The following BMPER variants were observed in gnomAD, a reference collection of about 807,000 sequenced individuals.
BMPER encodes the protein BMP binding endothelial regulator.
BMPER carries 45 observed loss-of-function variants against 87.3 expected under a neutral mutation model. The ratio of observed to expected loss-of-function variants is 0.52; its 90% CI spans 0.41 to 0.66. The LOEUF (loss-of-function observed/expected upper bound fraction) is 0.66. Among genes scored for constraint, BMPER ranks in the 30% least tolerant of loss-of-function variants. The pLI is 0.00. For synonymous variants in BMPER, 326 were observed against 316.2 expected, an observed-to-expected ratio of 1.03 and a Z score of -0.33; for missense variants, 784 against 867.5, an observed-to-expected ratio of 0.90 and a Z score of 1.21.
chr7:34,142,087 T>A (rs1307889391), intron 13 of BMPER, among the ~76,000 whole-genome samples: 1 of 152,194 alleles, frequency 6.6e-6, no homozygotes, highest in East Asian at 1.9e-4. Context: ...GAATAGCTTC[T>A]GTGAGGAAGG....
At chr7:34,065,199 ACTCACTCTCTCTCTCTCTCT>A (rs1217734212) in intron 11 of BMPER, among the ~76,000 whole-genome samples, 4 of 94,124 alleles carry the variant, frequency 4.2e-5, no homozygotes, top group African/African-American at 3.9e-5. Flanking sequence ...ACACATACAC[ACTCACTCTCTCTCTCTCTCT>A]CTCTCTCTCT....
At chr7:33,917,573 CCCA>C (rs890114638) in intron 2 of BMPER, among the ~76,000 whole-genome samples, 6 of 151,980 alleles carry the variant, frequency 3.9e-5, no homozygotes, top group African/African-American at 1.5e-4. Context: ...CAGCATGTCC[CCCA>C]AATGCCCTGC....
intron 4 of BMPER, among the ~76,000 whole-genome samples, chr7:33,968,411 T>A (rs1339746852): frequency 7.9e-5 from 12 of 152,228 alleles, no homozygotes. Flanking sequence ...TATTGGCACC[T>A]GTCAGGGAAG....
At chr7:34,104,886 AG>A (rs566224640) in intron 13 of BMPER, among the ~76,000 whole-genome samples, 35 of 152,286 alleles carry the variant, frequency 2.3e-4, no homozygotes, top group African/African-American at 8.4e-4. Context: ...ATTTCAGTTG[AG>A]GAAGGGAAAG....
chr7:33,973,576 T>C (rs1175619011), intron 5 of BMPER, among the ~76,000 whole-genome samples: 3 of 152,236 alleles, frequency 2.0e-5, no homozygotes, highest in Non-Finnish European at 4.4e-5. Context: ...GTGGATGTAA[T>C]GCCCATTCTT....
intron 3 of BMPER, among the ~76,000 whole-genome samples, chr7:33,957,844 C>T (rs1785184741): frequency 6.6e-6 from 1 of 152,054 alleles, no homozygotes; most frequent in Non-Finnish European, 1.5e-5. Context: ...CCGTGAACAC[C>T]CTAGTTAATC....
At chr7:34,142,750 C>T (rs1398375852) in intron 13 of BMPER, among the ~76,000 whole-genome samples, 1 of 152,142 alleles carries the variant, frequency 6.6e-6, no homozygotes, top group Non-Finnish European at 1.5e-5. Context: ...AGTTGGTTAC[C>T]ATTTTTGGAA....
At chr7:34,076,033 G>T (rs1788855289) in intron 11 of BMPER, among the ~76,000 whole-genome samples, 1 of 152,198 alleles carries the variant, frequency 6.6e-6, no homozygotes, top group African/African-American at 2.4e-5. Context: ...CAATATTGCT[G>T]TCAAACAGAA....
At chr7:34,111,571 G>A (rs527594900) in intron 13 of BMPER, among the ~76,000 whole-genome samples, 2 of 152,268 alleles carry the variant, frequency 1.3e-5, no homozygotes, top group Admixed American at 6.5e-5. Context: ...GCTGGCATTC[G>A]AATATGATAA....
At chr7:34,139,650 T>C (rs1790812824) in intron 13 of BMPER, among the ~76,000 whole-genome samples, 1 of 152,258 alleles carries the variant, frequency 6.6e-6, no homozygotes, top group Non-Finnish European at 1.5e-5. Flanking sequence ...CGTATCTGTT[T>C]TCAGTTATTC....
At chr7:33,954,364 C>T (rs1785098724) in intron 3 of BMPER, among the ~76,000 whole-genome samples, 1 of 152,192 alleles carries the variant, frequency 6.6e-6, no homozygotes, top group Admixed American at 6.5e-5. Flanking sequence ...TTTCACAGAG[C>T]CACTGGCGTC....
chr7:34,015,965 T>C (rs760918281), intron 6 of BMPER, among the ~76,000 whole-genome samples: 1 of 150,488 alleles, frequency 6.6e-6, no homozygotes, highest in Non-Finnish European at 1.5e-5. Context: ...GGAAAGCTAG[T>C]ACAAAAGACA....
rs138547556 is a variant in BMPER, at chr7:33,981,386, C to T, written c.576+6602C>T. Among the ~76,000 whole-genome samples the T allele has an allele frequency of 3.1e-4, 47 of 152,280 alleles. 2 individuals are homozygous for T. In the East Asian group the frequency reaches 7.9e-3, roughly 26 times the overall value. ...ATCGCTCCTATACCTAGACAGTCTC[C>T]GCCCACTCATCCAGCACTGCAAAGC... On this transcript the variant is annotated intron_variant, in intron 6 of 14. Transcript: ENST00000649409.
intron 6 of BMPER, among the ~76,000 whole-genome samples, chr7:34,041,790 G>A (rs769562426): frequency 4.6e-5 from 7 of 152,098 alleles, no homozygotes; most frequent in Non-Finnish European, 8.8e-5. Context: ...GAAAAAAATA[G>A]AGAACTCTAT....
rs1410083187 is a variant in BMPER at position 34,039,128 on chromosome 7, G to T, written c.577-7178G>T. Among the ~76,000 whole-genome samples the T allele has an allele frequency of 2.6e-5, 4 of 152,296 alleles. No individual in the cohort carries two copies. The East Asian group carries it at 5.8e-4, about 22-fold the overall frequency. ...CTGAGAACTGTTCCACTTGAAAAATGGGCTTCATCCTTCAGAACACTTGTC... is the reference window on the plus strand; with the variant it reads ...CTGAGAACTGTTCCACTTGAAAAATTGGCTTCATCCTTCAGAACACTTGTC... On this transcript the variant is annotated intron_variant, in intron 6 of 14. Coordinates refer to ENST00000649409, the MANE Select transcript of BMPER (RefSeq NM_001365308.1).
At chr7:34,122,288 A>T (rs1449564277) in intron 13 of BMPER, among the ~76,000 whole-genome samples, 1 of 152,220 alleles carries the variant, frequency 6.6e-6, no homozygotes, top group Non-Finnish European at 1.5e-5. Flanking sequence ...GCTCCTGGTG[A>T]TGCTGATGCC....
At chr7:33,983,984 C>T (rs1785929854) in intron 6 of BMPER, among the ~76,000 whole-genome samples, 1 of 152,154 alleles carries the variant, frequency 6.6e-6, no homozygotes, top group South Asian at 2.1e-4. Flanking sequence ...GGCATTGAGC[C>T]TAAGCATTTG....
intron 2 of BMPER, among the ~76,000 whole-genome samples, chr7:33,914,851 A>G (rs1211865825): frequency 1.3e-5 from 2 of 152,234 alleles, no homozygotes; most frequent in Non-Finnish European, 2.9e-5. Context: ...AGACGTTTGA[A>G]GAAGACAAAG....
intron 2 of BMPER, among the ~76,000 whole-genome samples, chr7:33,921,481 C>T (rs1167457862): frequency 1.1e-4 from 16 of 152,214 alleles, no homozygotes; most frequent in Non-Finnish European, 1.5e-5. Flanking sequence ...GTCCACAGAG[C>T]TCTCTTTCAG....
Sources: gnomAD v4.1 joint callset for allele counts (sites outside exome capture counted in the v4.1 genomes callset) on GRCh38, gnomAD v4.1.1 for gene constraint, MANE v1.5 for transcripts, NCBI Gene and HGNC (gene_info 2026-07-23, HGNC 2026-07-21) for gene names.